Variants in EBF2 observed in about 807,000 individuals in gnomAD.
EBF2 encodes the protein EBF transcription factor 2, also known as transcription factor COE2.
EBF2 carries 21 observed loss-of-function variants against 72.8 expected under a neutral mutation model. That is an observed-to-expected ratio of 0.29 (90% CI 0.20 to 0.42). The LOEUF (loss-of-function observed/expected upper bound fraction) is 0.42, where lower values mean the gene tolerates loss of function less well. EBF2 is among the 10% of genes least tolerant of loss of function. The pLI, the probability that EBF2 is intolerant of heterozygous loss-of-function variation, is 1.00. For synonymous variants in EBF2, 299 were observed against 274.2 expected (o/e 1.09, Z -0.89); for missense variants, 637 against 731.2 (o/e 0.87, Z 1.49).
chr8:25,979,708 C>T (rs577436457), intron 6 of EBF2, among the ~76,000 whole-genome samples: 97 of 152,190 alleles, frequency 6.4e-4, no homozygotes, highest in African/African-American at 2.0e-3. Flanking sequence ...CCCTTGCAGC[C>T]CTTCTGACGT....
chr8:25,873,321 A>G (rs1203167461), intron 10 of EBF2, among the ~76,000 whole-genome samples: 4 of 152,188 alleles, frequency 2.6e-5, no homozygotes, highest in African/African-American at 7.2e-5. Flanking sequence ...ACCCCTTTCA[A>G]GCTCTTACAT....
At chr8:26,033,894 T>A (rs961482127) in intron 5 of EBF2, among the ~76,000 whole-genome samples, 1 of 152,220 alleles carries the variant, frequency 6.6e-6, no homozygotes, top group African/African-American at 2.4e-5. Flanking sequence ...AAATTCTCAC[T>A]CTGTGACTTA....
chr8:25,957,723 G>A (rs903860801), intron 6 of EBF2, among the ~76,000 whole-genome samples: 4 of 152,076 alleles, frequency 2.6e-5, no homozygotes, highest in African/African-American at 4.8e-5. Flanking sequence ...AAAATTAGCC[G>A]GGTGTGGTGG....
chr8:25,889,616 T>C (rs1375725121), intron 8 of EBF2, 136 bp downstream of exon 8: 4 of 667,848 alleles, frequency 6.0e-6, no homozygotes, highest in Non-Finnish European at 1.0e-5. Context: ...GTTTACAACT[T>C]CGTTTAAAAA....
chr8:26,002,749 C>G (rs995473990), intron 6 of EBF2, among the ~76,000 whole-genome samples: 4 of 152,156 alleles, frequency 2.6e-5, no homozygotes, highest in Non-Finnish European at 5.9e-5. Context: ...CTGCGTCTCT[C>G]CCCCTGGGTG....
chr8:25,986,001 C>CAAAAAAAAAAAAAAAAAAAAAAAA lies in EBF2; in HGVS notation c.551+47060_551+47083dup, dbSNP rs59820523. Among the ~76,000 whole-genome samples, 10 of 28,560 alleles carry CAAAAAAAAAAAAAAAAAAAAAAAA rather than the reference C, an allele frequency of 3.5e-4. 2 individuals are homozygous for CAAAAAAAAAAAAAAAAAAAAAAAA. Among genetic ancestry groups the CAAAAAAAAAAAAAAAAAAAAAAAA allele is most frequent in the African/African-American group, 1.1e-3 (6 of 5,526 alleles). The allele number at this position is 28,560 out of a possible 152,430, so 18.7% of individuals were successfully genotyped here. A position where few individuals can be genotyped will look rare whatever the true frequency, so the allele number is the denominator to read the frequency against. On this transcript the variant is annotated intron_variant, in intron 6 of 15. Coordinates refer to ENST00000520164, the MANE Select transcript of EBF2 (RefSeq NM_022659.4). ...CGGGTGACAGAGTGAAACTCTGTCTCAAAAAAAAAAAAAAAAAAAAAAAAG... is the reference window on the plus strand; with the variant it reads ...CGGGTGACAGAGTGAAACTCTGTCTCAAAAAAAAAAAAAAAAAAAAAAAAAAAAAAAAAAAAAAAAAAAAAAAAG...
intron 6 of EBF2, among the ~76,000 whole-genome samples, chr8:25,980,150 G>A (rs1024395455): frequency 5.3e-5 from 8 of 152,066 alleles, no homozygotes; most frequent in Admixed American, 1.3e-4. Flanking sequence ...ACCAAAAAAC[G>A]GAAAAGCGGG....
chr8:25,930,317 A>G (rs149786384), intron 6 of EBF2, among the ~76,000 whole-genome samples: 16 of 152,342 alleles, frequency 1.1e-4, no homozygotes, highest in African/African-American at 3.8e-4. Flanking sequence ...GTTCTGGAAG[A>G]TCTGAAGTAG....
At chr8:25,904,820 G>A (rs1803010032) in intron 7 of EBF2, among the ~76,000 whole-genome samples, 1 of 152,130 alleles carries the variant, frequency 6.6e-6, no homozygotes, top group African/African-American at 2.4e-5. Context: ...TTTCATTGAA[G>A]GTTATATTCT....
chr8:25,942,593 G>A (rs1223619095), intron 6 of EBF2, among the ~76,000 whole-genome samples: 1 of 152,192 alleles, frequency 6.6e-6, no homozygotes, highest in East Asian at 1.9e-4. Context: ...CCCCTCCTCA[G>A]GCGGCTTTAG....
intron 6 of EBF2, among the ~76,000 whole-genome samples, chr8:25,924,758 A>C (rs1585197196): frequency 6.6e-6 from 1 of 152,264 alleles, no homozygotes. Context: ...TTTGATGATC[A>C]GACGTCTAAA....
intron 6 of EBF2, among the ~76,000 whole-genome samples, chr8:25,924,641 T>C (rs1206577453): frequency 1.3e-5 from 2 of 152,212 alleles, no homozygotes; most frequent in Admixed American, 1.3e-4. Context: ...ATATCAATAA[T>C]TGCCAGATAT....
intron 6 of EBF2, among the ~76,000 whole-genome samples, chr8:25,947,575 C>A (rs1803791902): frequency 2.0e-5 from 3 of 152,206 alleles, no homozygotes; most frequent in Admixed American, 6.5e-5. Context: ...AGCATCCATA[C>A]ACCTTTGCTT....
At chr8:26,018,628 G>A (rs55786212) in intron 6 of EBF2, among the ~76,000 whole-genome samples, 4,116 of 151,820 alleles carry the variant, frequency 0.027, 122 homozygotes, top group African/African-American at 0.07. Context: ...CCGAGATTGT[G>A]CCACTGCACT....
chr8:25,945,798 A>T (rs1803759634), intron 6 of EBF2, among the ~76,000 whole-genome samples: 4 of 151,976 alleles, frequency 2.6e-5, no homozygotes. Context: ...AGGGTGGCTA[A>T]ATTGATCAGC....
At chr8:25,903,577 A>G (rs956216454) in intron 7 of EBF2, among the ~76,000 whole-genome samples, 3 of 152,128 alleles carry the variant, frequency 2.0e-5, no homozygotes, top group South Asian at 2.1e-4. Flanking sequence ...AGTGCCTGTA[A>G]TCCCAGCTAC....
chr8:25,967,241 C>A (rs904547308), intron 6 of EBF2, among the ~76,000 whole-genome samples: 7 of 152,150 alleles, frequency 4.6e-5, no homozygotes, highest in African/African-American at 1.7e-4. Flanking sequence ...AAGGCAAGAG[C>A]TTGAAAATCT....
intron 15 of EBF2, among the ~76,000 whole-genome samples, chr8:25,848,626 C>A (rs1801891409): frequency 6.6e-6 from 1 of 152,076 alleles, no homozygotes; most frequent in Non-Finnish European, 1.5e-5. Flanking sequence ...TCTGAGACAA[C>A]CAGCTCCACT....
At chr8:25,978,750 T>C (rs1391822116) in intron 6 of EBF2, among the ~76,000 whole-genome samples, 1 of 151,882 alleles carries the variant, frequency 6.6e-6, no homozygotes, top group African/African-American at 2.4e-5. Context: ...GCACATGGAG[T>C]AGTATCAAAT....
Sources: allele counts gnomAD v4.1 joint callset (sites outside exome capture counted in the v4.1 genomes callset), GRCh38; gene constraint gnomAD v4.1.1; transcripts MANE v1.5; gene names NCBI Gene and HGNC (gene_info 2026-07-23, HGNC 2026-07-21).